Variants in VCPIP1 observed in about 807,000 individuals in gnomAD.
VCPIP1 encodes the protein deubiquitinating protein VCPIP1.
Under a neutral mutation model 85.0 loss-of-function variants are expected in VCPIP1, and 8 were observed. The observed-to-expected ratio is 0.09, with a 90% CI of 0.06 to 0.17. The LOEUF is 0.17. Ranked by LOEUF, VCPIP1 falls within the 10% of genes least tolerant of loss-of-function variation. The pLI is 1.00. For missense variants in VCPIP1, 1,070 were observed against 1,486.3 expected, an observed-to-expected ratio of 0.72 and a Z score of 4.61; for synonymous variants, 543 against 544.5, an observed-to-expected ratio of 1.00 and a Z score of 0.04.
chr8:66,635,020 A>C lies in VCPIP1; in HGVS notation c.3150T>G (p.Val1050=). The change falls in exon 3 of 3, where the codon GTT becomes GTG. Residue 1050 remains valine, a synonymous_variant. Transcript: ENST00000310421. The part of the protein sequence containing the change: ...HLDPRARETS[V]VRKHNTGTDF... ...CTGTCCCTGTATTATGCTTTCTTACAACTGAAGTTTCCCTAGCTCTTGGAT... is the reference window on the plus strand; with the variant it reads ...CTGTCCCTGTATTATGCTTTCTTACCACTGAAGTTTCCCTAGCTCTTGGAT... The C allele has an allele frequency of 6.2e-7, 1 of 1,613,646 alleles. No individual in the cohort carries two copies. Among genetic ancestry groups the C allele is most frequent in the Non-Finnish European group, 8.5e-7 (1 of 1,179,654 alleles).
In VCPIP1 at chr8:66,637,421, C is replaced by T. The variant is rs139580991; in HGVS notation, c.2798-2049G>A. ...TAAAAATCAATGGATATGCCGGGCA[C>T]AGTGGCTCACACCTGTAATCCCAGC... On this transcript the variant is annotated intron_variant, in intron 2 of 2. Transcript: ENST00000310421. Among the ~76,000 whole-genome samples the T allele has an allele frequency of 5.6e-3, 838 of 150,054 alleles. 15 individuals are homozygous for T. Among genetic ancestry groups the T allele is most frequent in the African/African-American group, 0.02 (810 of 40,634 alleles).
At chr8:66,651,608 A>G in intron 1 of VCPIP1, 64 bp from the exon 2 acceptor site, 1 of 1,344,778 alleles carries the variant, frequency 7.4e-7, no homozygotes, top group Non-Finnish European at 1.1e-6. Context: ...GGGCTGCTTT[A>G]GTAAGGATTA....
At position 66,633,014 on chromosome 8, in the gene VCPIP1, G is replaced by A. The variant is rs1810849593; in HGVS notation, c.*1487C>T. ...TTCCTTATTTAAAATAGAGTAGTTT[G>A]TTTAAGAAGTGGATTCAGTTAGAGA... is the stretch of plus-strand genomic sequence containing the variant. On this transcript the variant is annotated 3_prime_UTR_variant, in exon 3 of 3. Transcript: ENST00000310421. The A allele has an allele frequency of 6.6e-6, 1 of 152,030 alleles. No homozygotes were observed. Among genetic ancestry groups the A allele is most frequent in the Non-Finnish European group, 1.5e-5 (1 of 67,916 alleles). The allele number at this position is 152,030 out of a possible 1,614,324, so 9.4% of individuals were successfully genotyped here.
At chr8:66,642,970 T>A (rs1810961613) in intron 2 of VCPIP1, among the ~76,000 whole-genome samples, 1 of 151,998 alleles carries the variant, frequency 6.6e-6, no homozygotes, top group Non-Finnish European at 1.5e-5. Flanking sequence ...GAAAGTAGAA[T>A]TTAAAAAAAG....
intron 1 of VCPIP1, among the ~76,000 whole-genome samples, chr8:66,653,973 C>A (rs981274403): frequency 6.6e-6 from 1 of 152,152 alleles, no homozygotes; most frequent in Admixed American, 6.6e-5. Context: ...AAGGGAAATA[C>A]CATGTAAGCC....
rs1452649713 is a variant in VCPIP1 at position 66,628,820 on chromosome 8, C to T, written c.*5681G>A. 6.6e-6 allele frequency: 1 copy of T among 152,176 alleles called. No homozygotes were observed. Among genetic ancestry groups the T allele is most frequent in the African/African-American group, 2.4e-5 (1 of 41,436 alleles). The allele number at this position is 152,176 out of a possible 1,614,324, so 9.4% of individuals were successfully genotyped here. ...ATGCCCTCTGCAAGTAAGACTATGA[C>T]GACAATGGTCGGCAGAACAAAAGGT... On this transcript the variant is annotated 3_prime_UTR_variant, in exon 3 of 3. Transcript: ENST00000310421.
chr8:66,646,071 C>CT (rs1563568252), intron 2 of VCPIP1, among the ~76,000 whole-genome samples: 1 of 150,024 alleles, frequency 6.7e-6, no homozygotes, highest in African/African-American at 2.5e-5. Flanking sequence ...AGTCAAAATG[C>CT]ATTTTTTTTT....
At chr8:66,636,454 A>T (rs996947676) in intron 2 of VCPIP1, among the ~76,000 whole-genome samples, 1 of 152,038 alleles carries the variant, frequency 6.6e-6, no homozygotes, top group African/African-American at 2.4e-5. Context: ...ATTAAAATTT[A>T]GATAAATAGG....
chr8:66,661,075 T>C (rs1244699987), intron 1 of VCPIP1, among the ~76,000 whole-genome samples: 2 of 152,008 alleles, frequency 1.3e-5, no homozygotes, highest in Non-Finnish European at 2.9e-5. Flanking sequence ...TCAAATACAG[T>C]CATAAGCGAA....
At chr8:66,655,240 C>A (rs1811088359) in intron 1 of VCPIP1, among the ~76,000 whole-genome samples, 1 of 152,200 alleles carries the variant, frequency 6.6e-6, no homozygotes, top group Non-Finnish European at 1.5e-5. Context: ...ACCCCCAGGG[C>A]CTCGCACAGT....
intron 2 of VCPIP1, among the ~76,000 whole-genome samples, chr8:66,643,656 T>C (rs1810968569): frequency 6.6e-6 from 1 of 151,646 alleles, no homozygotes; most frequent in African/African-American, 2.4e-5. Flanking sequence ...TAAGCCAAGA[T>C]TGCACCACTG....
intron 1 of VCPIP1, among the ~76,000 whole-genome samples, chr8:66,663,373 A>G (rs1238180253): frequency 6.6e-6 from 1 of 152,186 alleles, no homozygotes. Flanking sequence ...GAAAGCTTTA[A>G]TCTCAGCAAA....
At chr8:66,659,967 C>T (rs964266476) in intron 1 of VCPIP1, among the ~76,000 whole-genome samples, 1 of 151,914 alleles carries the variant, frequency 6.6e-6, no homozygotes. Context: ...ATATTTGATT[C>T]TTAATCAAAT....
intron 2 of VCPIP1, among the ~76,000 whole-genome samples, chr8:66,638,970 C>CTCTCTCTCTCTATATATATA: frequency 9.3e-5 from 11 of 118,436 alleles, no homozygotes; most frequent in African/African-American, 3.9e-4. Context: ...CTCTCTCTCT[C>CTCTCTCTCTCTATATATATA]TATATATATA....
rs1450352151 is a variant in VCPIP1, at chr8:66,633,884, A to C, written c.*617T>G. 1 of 152,252 alleles carries C rather than the reference A, an allele frequency of 6.6e-6. No individual in the cohort carries two copies. The highest frequency in any genetic ancestry group is 2.4e-5 in the African/African-American group (1 of 41,468). The allele number at this position is 152,252 out of a possible 1,614,324, so 9.4% of individuals were successfully genotyped here. On this transcript the variant is annotated 3_prime_UTR_variant, in exon 3 of 3. Transcript: ENST00000310421. ...ATCACATTGACCTCATCAATCTAGA[A>C]GAAATTTTTCCCCAATCTTGCACAA... is the stretch of plus-strand genomic sequence containing the variant.
At chr8:66,661,230 G>A (rs1425228699) in intron 1 of VCPIP1, among the ~76,000 whole-genome samples, 1 of 152,122 alleles carries the variant, frequency 6.6e-6, no homozygotes, top group Admixed American at 6.6e-5. Flanking sequence ...TTTTGTGTTG[G>A]TAGTGGAAGA....
intron 1 of VCPIP1, 109 bp from the exon 2 acceptor site, chr8:66,651,653 G>A: frequency 2.6e-6 from 2 of 771,566 alleles, no homozygotes; most frequent in South Asian, 1.8e-5. Context: ...GCTCCTAAAT[G>A]AGTGAAACAG....
intron 2 of VCPIP1, among the ~76,000 whole-genome samples, 170 bp from the exon 3 acceptor site, chr8:66,635,542 T>C (rs776735907): frequency 2.6e-5 from 4 of 152,206 alleles, no homozygotes; most frequent in Non-Finnish European, 4.4e-5. Context: ...ACCACCGCCA[T>C]AGACCCTAAA....
intron 2 of VCPIP1, among the ~76,000 whole-genome samples, chr8:66,644,715 C>T (rs941730087): frequency 4.6e-5 from 7 of 151,152 alleles, no homozygotes; most frequent in African/African-American, 1.5e-4. Flanking sequence ...TCTACATAGA[C>T]AAGGATCTGC....
Sources: allele counts gnomAD v4.1 joint callset (sites outside exome capture counted in the v4.1 genomes callset), GRCh38; gene constraint gnomAD v4.1.1; transcripts MANE v1.5; gene names NCBI Gene and HGNC (gene_info 2026-07-23, HGNC 2026-07-21).